The following NAF1 variants were observed in gnomAD, a reference collection of about 807,000 sequenced individuals.
NAF1 encodes the protein H/ACA ribonucleoprotein complex non-core subunit NAF1.
Under a neutral mutation model 40.6 loss-of-function variants are expected in NAF1, and 11 were observed. The observed-to-expected ratio is 0.27, with a 90% CI of 0.17 to 0.45. The LOEUF (loss-of-function observed/expected upper bound fraction) is 0.45, where lower values mean the gene tolerates loss of function less well. NAF1 is among the 20% of genes least tolerant of loss of function. The probability of loss-of-function intolerance (pLI) is 1.00; values close to 1 mark genes in which losing one functional copy is unlikely to be tolerated. For synonymous variants in NAF1, 260 were observed against 228.5 expected (o/e 1.14, Z -1.24); for missense variants, 607 against 611.1 (o/e 0.99, Z 0.07).
downstream of NAF1, among the ~76,000 whole-genome samples, chr4:163,127,557 A>G (rs1730702259): frequency 6.6e-6 from 1 of 152,226 alleles, no homozygotes; most frequent in Non-Finnish European, 1.5e-5. Flanking sequence ...ATATAATCTC[A>G]TGAACTCTTA....
chr4:163,143,149 G>C lies in NAF1; in HGVS notation c.717+2633C>G, dbSNP rs548009910. Among the ~76,000 whole-genome samples, 28 of 152,124 alleles carry C rather than the reference G, an allele frequency of 1.8e-4. 1 individual carries two copies. Among genetic ancestry groups the C allele is most frequent in the African/African-American group, 6.7e-4 (28 of 41,522 alleles). The stretch of plus-strand genomic sequence containing the variant: ...TTAATCCAACTGATGCTTTATACTT[G>C]CCCTGTCATTGAGAAGTGGTTTTCT... On this transcript the variant is annotated intron_variant, in intron 4 of 7. Coordinates refer to ENST00000274054, the MANE Select transcript of NAF1 (RefSeq NM_138386.3).
Position 163,138,867 on chromosome 4 carries a change from G to GT in NAF1, c.878+1355dup, listed in dbSNP as rs1731153567. On this transcript the variant is annotated intron_variant, in intron 5 of 7. Coordinates refer to ENST00000274054, the MANE Select transcript of NAF1 (RefSeq NM_138386.3). ...CTAAATATATGGCATATCCACAGCA[G>GT]TATCTTTATATTCAAAGCAGGATGA... 2.0e-5 allele frequency among the ~76,000 whole-genome samples: 3 copies of GT among 152,152 alleles called. No homozygotes were observed. The South Asian group carries it at 6.2e-4, about 32-fold the overall frequency.
rs1732457147 is a variant in NAF1 at position 163,166,267 on chromosome 4, G to A, written c.365+96C>T. 3.5e-6 allele frequency: 5 copies of A among 1,438,264 alleles called. No individual in the cohort carries two copies. In the South Asian group the frequency reaches 4.3e-5, roughly 12 times the overall value. The allele number at this position is 1,438,264 out of a possible 1,614,324, so 89.1% of individuals were successfully genotyped here. ...ACCAACGACCTGCCCACCCTCCAGG[G>A]CCCACACAAGCAACCTCTAGGCTCC... On this transcript the variant is annotated intron_variant, in intron 1 of 7. Coordinates refer to ENST00000274054, the MANE Select transcript of NAF1 (RefSeq NM_138386.3).
intron 2 of NAF1, among the ~76,000 whole-genome samples, chr4:163,153,773 A>G (rs1286819495): frequency 3.3e-5 from 5 of 152,086 alleles, no homozygotes. Flanking sequence ...CAGATAAGAG[A>G]ATAAAAGCAG....
chr4:163,146,906 G>C (rs1303814273), intron 3 of NAF1, among the ~76,000 whole-genome samples: 2 of 152,126 alleles, frequency 1.3e-5, no homozygotes, highest in Non-Finnish European at 2.9e-5. Flanking sequence ...TGTTAAAAAT[G>C]CAAAAATGAC....
chr4:163,135,836 T>C (rs1302342311), intron 6 of NAF1: 9 of 152,144 alleles, frequency 5.9e-5, no homozygotes, highest in Non-Finnish European at 1.2e-4. Context: ...AAAAGAAATA[T>C]GATTTGAGAT....
intron 3 of NAF1, 90 bp from the exon 4 acceptor site, chr4:163,145,954 A>T (rs1250184680): frequency 2.9e-5 from 19 of 663,294 alleles, no homozygotes; most frequent in East Asian, 6.4e-5. Context: ...AACATAATTT[A>T]AAAAAAAATT....
chr4:163,106,796 C>A (rs1730056576), downstream of NAF1, among the ~76,000 whole-genome samples: 1 of 152,018 alleles, frequency 6.6e-6, no homozygotes, highest in Admixed American at 6.6e-5. Context: ...TTAACTTATA[C>A]AGAGAAATCT....
intron 2 of NAF1, among the ~76,000 whole-genome samples, chr4:163,153,581 ACT>A (rs1406515979): frequency 1.3e-5 from 2 of 152,014 alleles, no homozygotes; most frequent in Admixed American, 6.5e-5. Context: ...ACCAATCGAC[ACT>A]CTGTATCTAG....
At chr4:163,124,351 T>C (rs576946815), downstream of NAF1, among the ~76,000 whole-genome samples, 81 of 152,328 alleles carry the variant, frequency 5.3e-4, no homozygotes, top group Non-Finnish European at 1.6e-4. Context: ...ACATGGTGGA[T>C]GAGACTGAAG....
At chr4:163,138,508 G>A (rs1360967513) in intron 5 of NAF1, among the ~76,000 whole-genome samples, 2 of 152,084 alleles carry the variant, frequency 1.3e-5, no homozygotes, top group African/African-American at 4.8e-5. Context: ...AAGACAGTAA[G>A]TACATGAGAA....
At chr4:163,126,792 A>T, downstream of NAF1, 1 of 644,108 alleles carries the variant, frequency 1.6e-6, no homozygotes, top group Non-Finnish European at 2.4e-6. Flanking sequence ...ACTGCTATCT[A>T]TTAGGAGAAA....
rs569163508 is a variant in NAF1, at chr4:163,154,835, C to T, written c.541-6401G>A. On this transcript the variant is annotated intron_variant, in intron 2 of 7. Coordinates refer to ENST00000274054, the MANE Select transcript of NAF1 (RefSeq NM_138386.3). ...GCAGTGAGCAGAGATCGCACCATTG[C>T]ACTCCAGCCTGGGCGACAGAGCAAA... Among the ~76,000 whole-genome samples the T allele has an allele frequency of 4.8e-5, 7 of 146,884 alleles. 1 individual carries two copies. Among genetic ancestry groups the T allele is most frequent in the Admixed American group, 2.8e-4 (4 of 14,368 alleles).
intron 2 of NAF1, chr4:163,157,458 C>T (rs542690994): frequency 2.0e-5 from 3 of 151,976 alleles, no homozygotes; most frequent in Non-Finnish European, 4.4e-5. Flanking sequence ...TTCTTACCTA[C>T]GAATAGTAAG....
downstream of NAF1, among the ~76,000 whole-genome samples, chr4:163,106,723 C>A (rs2110779890): frequency 6.6e-6 from 1 of 151,890 alleles, no homozygotes; most frequent in Admixed American, 6.6e-5. Context: ...AAGAGTTAAT[C>A]TTATGTTTTC....
intron 1 of NAF1, among the ~76,000 whole-genome samples, chr4:163,165,872 G>T (rs896317863): frequency 6.6e-6 from 1 of 151,900 alleles, no homozygotes; most frequent in Non-Finnish European, 1.5e-5. Context: ...TCCCTGCAAG[G>T]ATTCTATAAA....
At chr4:163,141,542 C>A in intron 4 of NAF1, among the ~76,000 whole-genome samples, 1 of 152,106 alleles carries the variant, frequency 6.6e-6, no homozygotes, top group East Asian at 1.9e-4. Context: ...TATCATAAAA[C>A]ACCCCTTTAC....
Position 163,140,246 on chromosome 4 carries a change from A to G in NAF1, c.855T>C (p.Tyr285=). 6.2e-7 allele frequency: 1 copy of G among 1,604,368 alleles called. No homozygotes were observed. The highest frequency in any genetic ancestry group is 1.1e-5 in the South Asian group (1 of 88,642). ...ACTGTTTTAGTTTTTCTGTGAATAT[A>G]TATTGAGTGAAATCTTTCATTGATG... ...FAPSMKDFTQ[Y]IFTEKLKQDK... Residue 285 remains tyrosine, a synonymous_variant, in exon 5 of 8, where the codon TAT becomes TAC. Coordinates refer to ENST00000274054, the MANE Select transcript of NAF1 (RefSeq NM_138386.3).
intron 2 of NAF1, chr4:163,157,034 C>T (rs1388995218): frequency 6.6e-6 from 1 of 152,000 alleles, no homozygotes; most frequent in Non-Finnish European, 1.5e-5. Context: ...CTATTTCATT[C>T]ACATCATTAG....
Sources: gnomAD v4.1 joint callset for allele counts (sites outside exome capture counted in the v4.1 genomes callset) on GRCh38, gnomAD v4.1.1 for gene constraint, MANE v1.5 for transcripts, NCBI Gene and HGNC (gene_info 2026-07-23, HGNC 2026-07-21) for gene names.